The following NAALADL2 variants were observed in gnomAD, a reference collection of about 807,000 sequenced individuals.
NAALADL2 encodes the protein N-acetylated alpha-linked acidic dipeptidase like 2.
A neutral mutation model predicts 87.2 loss-of-function variants in NAALADL2; 76 were observed. The ratio of observed to expected loss-of-function variants is 0.87; its 90% confidence interval spans 0.72 to 1.05. The LOEUF (loss-of-function observed/expected upper bound fraction) is 1.05, where lower values mean the gene tolerates loss of function less well. NAALADL2 is among the 50% of genes least tolerant of loss of function. NAALADL2 has a pLI of 0.00. For missense variants in NAALADL2, 1,089 were observed against 945.8 expected, an observed-to-expected ratio of 1.15 and a Z score of -1.99; for synonymous variants, 354 against 331.0, an observed-to-expected ratio of 1.07 and a Z score of -0.75.
At chr3:175,228,036 T>G (rs1744409174) in intron 2 of NAALADL2, among the ~76,000 whole-genome samples, 1 of 151,992 alleles carries the variant, frequency 6.6e-6, no homozygotes, top group South Asian at 2.1e-4. Context: ...AGACCAGTAT[T>G]TCTACAATCA....
intron 2 of NAALADL2, among the ~76,000 whole-genome samples, chr3:174,732,154 A>G (rs928245076): frequency 2.0e-5 from 3 of 152,138 alleles, no homozygotes; most frequent in Admixed American, 1.3e-4. Context: ...TTAACTAGCA[A>G]TGTTCCCAAC....
chr3:174,654,038 A>G (rs1452456981), intron 2 of NAALADL2, among the ~76,000 whole-genome samples: 1 of 149,520 alleles, frequency 6.7e-6, no homozygotes, highest in Non-Finnish European at 1.5e-5. Context: ...GGTTTGTCAT[A>G]ATATTTAGTA....
intron 1 of NAALADL2, among the ~76,000 whole-genome samples, chr3:174,905,942 G>T (rs1348757911): frequency 1.3e-5 from 2 of 152,004 alleles, no homozygotes; most frequent in Middle Eastern, 3.2e-3. Context: ...TTACACACAG[G>T]TAATGTTAAG....
intron 10 of NAALADL2, among the ~76,000 whole-genome samples, chr3:175,611,028 C>A (rs1300606829): frequency 6.6e-6 from 1 of 152,018 alleles, no homozygotes; most frequent in African/African-American, 2.4e-5. Flanking sequence ...AGCTAAAGTG[C>A]ATAATTAAAG....
chr3:175,312,983 G>A (rs554819441), intron 4 of NAALADL2, among the ~76,000 whole-genome samples: 4 of 152,204 alleles, frequency 2.6e-5, no homozygotes, highest in African/African-American at 4.8e-5. Flanking sequence ...TAGACTGGGC[G>A]GCTTAAACTA....
At chr3:175,513,840 G>A (rs1731491423) in intron 9 of NAALADL2, among the ~76,000 whole-genome samples, 1 of 152,202 alleles carries the variant, frequency 6.6e-6, no homozygotes, top group African/African-American at 2.4e-5. Context: ...CAAGGTCAAG[G>A]AGTCCTGTCA....
rs988190752 is a variant in NAALADL2, at chr3:175,764,845, T to A, written c.2189+9427T>A. Among the ~76,000 whole-genome samples the A allele has an allele frequency of 3.3e-5, 5 of 152,122 alleles. No homozygotes were observed. The South Asian group carries it at 1.0e-3, about 31-fold the overall frequency. ...CCAAACCCCCCAAATCACTACAGAA[T>A]AACAATGATCTCATTATACAGTTTT... On this transcript the variant is annotated intron_variant, in intron 13 of 13. Coordinates refer to ENST00000454872, the MANE Select transcript of NAALADL2 (RefSeq NM_207015.3).
intron 1 of NAALADL2, among the ~76,000 whole-genome samples, chr3:174,861,592 CAT>C (rs1320588544): frequency 1.3e-5 from 2 of 152,018 alleles, no homozygotes; most frequent in Admixed American, 6.6e-5. Flanking sequence ...GTATATTAAA[CAT>C]GTGGATGACT....
intron 1 of NAALADL2, among the ~76,000 whole-genome samples, chr3:174,966,054 T>C (rs916408944): frequency 1.5e-4 from 23 of 152,138 alleles, no homozygotes; most frequent in African/African-American, 5.1e-4. Flanking sequence ...AGTCAGCACA[T>C]TTATAAGATT....
intron 9 of NAALADL2, among the ~76,000 whole-genome samples, chr3:175,489,323 C>T (rs765131130): frequency 6.6e-6 from 1 of 151,968 alleles, no homozygotes; most frequent in Non-Finnish European, 1.5e-5. Context: ...TATTTGGTTG[C>T]ATGGATTGAT....
intron 2 of NAALADL2, among the ~76,000 whole-genome samples, chr3:174,695,084 T>G (rs1728901189): frequency 6.6e-6 from 1 of 152,088 alleles, no homozygotes; most frequent in African/African-American, 2.4e-5. Flanking sequence ...TTTTATTGTC[T>G]GTTTTCTTCC....
chr3:175,538,078 G>T (rs944543023), intron 9 of NAALADL2, among the ~76,000 whole-genome samples: 2 of 152,014 alleles, frequency 1.3e-5, no homozygotes, highest in Admixed American at 1.3e-4. Context: ...GTTGCCATGT[G>T]GTTTAATTAA....
intron 5 of NAALADL2, among the ~76,000 whole-genome samples, chr3:175,423,895 G>T (rs1460042623): frequency 6.6e-6 from 1 of 152,098 alleles, no homozygotes; most frequent in East Asian, 1.9e-4. Flanking sequence ...GTGTAAAAAT[G>T]TTCCTATTTG....
chr3:175,126,686 T>A (rs1045718779), intron 2 of NAALADL2, among the ~76,000 whole-genome samples: 14 of 152,124 alleles, frequency 9.2e-5, no homozygotes, highest in Non-Finnish European at 1.3e-4. Context: ...GCTGAGCAAT[T>A]CATCAAAGAG....
In NAALADL2 at chr3:175,731,303, G is replaced by GT. The variant is rs1743707554; in HGVS notation, c.1897-6000dup. Among the ~76,000 whole-genome samples the GT allele has an allele frequency of 4.6e-5, 7 of 152,134 alleles. No homozygotes were observed. In the South Asian group the frequency reaches 1.5e-3, roughly 32 times the overall value. ...TGTTGTGAGAATTAGAGAGAATGAT[G>GT]TTTGAAAACTTCCATACAGCTCTGA... On this transcript the variant is annotated intron_variant, in intron 11 of 13. Transcript: ENST00000454872.
intron 3 of NAALADL2, among the ~76,000 whole-genome samples, chr3:174,827,721 G>A (rs984785317): frequency 5.9e-5 from 9 of 152,098 alleles, no homozygotes; most frequent in Non-Finnish European, 1.2e-4. Context: ...ACCATCACTC[G>A]ACAAATACTT....
intron 11 of NAALADL2, among the ~76,000 whole-genome samples, chr3:175,662,006 A>G (rs998157268): frequency 6.6e-6 from 1 of 151,972 alleles, no homozygotes; most frequent in Middle Eastern, 3.4e-3. Flanking sequence ...CACATTTTAT[A>G]ATTGCTTTTT....
chr3:174,684,932 A>T (rs1727890604), intron 2 of NAALADL2, among the ~76,000 whole-genome samples: 1 of 151,934 alleles, frequency 6.6e-6, no homozygotes, highest in Non-Finnish European at 1.5e-5. Flanking sequence ...GATAAAGTAG[A>T]TTTTCTGCCT....
At chr3:175,606,363 C>G (rs1325607856) in intron 10 of NAALADL2, among the ~76,000 whole-genome samples, 1 of 146,230 alleles carries the variant, frequency 6.8e-6, no homozygotes, top group Non-Finnish European at 1.5e-5. Context: ...TTTTGCTAGT[C>G]TAAGTAAAGT....
Sources: gnomAD v4.1 joint callset for allele counts (sites outside exome capture counted in the v4.1 genomes callset) on GRCh38, gnomAD v4.1.1 for gene constraint, MANE v1.5 for transcripts, NCBI Gene and HGNC (gene_info 2026-07-23, HGNC 2026-07-21) for gene names.